HSPA12A: variants seen among roughly 807,000 people sequenced by gnomAD.
HSPA12A encodes heat shock 70 kDa protein 12A.
In HSPA12A, 28 loss-of-function variants were observed where a neutral mutation model predicts 69.2. That is an observed-to-expected ratio of 0.40 (90% CI 0.30 to 0.55). HSPA12A has a LOEUF of 0.55. Among genes scored for constraint, HSPA12A ranks in the 20% least tolerant of loss-of-function variants. The pLI is 0.38. For synonymous variants in HSPA12A, 345 were observed against 370.5 expected, an observed-to-expected ratio of 0.93 and a Z score of 0.79; for missense variants, 686 against 900.7, an observed-to-expected ratio of 0.76 and a Z score of 3.05.
chr10:116,849,602 C>G (rs1207302111), exon 1 of HSPA12A: 1 of 1,549,238 alleles, frequency 6.5e-7, no homozygotes, highest in East Asian at 2.4e-5. Context: ...GCTGTGGGAC[C>G]ACTAGGGAGC....
At chr10:116,722,961 G>A (rs1382090811) in intron 1 of HSPA12A, among the ~76,000 whole-genome samples, 1 of 151,994 alleles carries the variant, frequency 6.6e-6, no homozygotes, top group African/African-American at 2.4e-5. Flanking sequence ...AATGAACAAG[G>A]TAGGGAGTAA....
At chr10:116,842,740 T>A (rs1160093076) in intron 1 of HSPA12A, among the ~76,000 whole-genome samples, 1 of 152,134 alleles carries the variant, frequency 6.6e-6, no homozygotes, top group African/African-American at 2.4e-5. Context: ...GTAGCTGGGA[T>A]TACAGGCACC....
intron 2 of HSPA12A, among the ~76,000 whole-genome samples, chr10:116,705,972 T>G (rs1470266322): frequency 2.8e-5 from 4 of 145,430 alleles, no homozygotes; most frequent in Non-Finnish European, 6.0e-5. Context: ...CTCGGCTCAC[T>G]GCAAGCTCTG....
chr10:116,798,457 A>T (rs555163147), intron 2 of HSPA12A, among the ~76,000 whole-genome samples: 1 of 152,204 alleles, frequency 6.6e-6, no homozygotes, highest in Admixed American at 6.5e-5. Flanking sequence ...TTGGGATCAC[A>T]GCCCACATTA....
chr10:116,733,526 G>A (rs532060444), intron 1 of HSPA12A, among the ~76,000 whole-genome samples: 6 of 152,182 alleles, frequency 3.9e-5, no homozygotes, highest in Non-Finnish European at 7.3e-5. Flanking sequence ...GGGCACTGGC[G>A]TAATCCATTT....
chr10:116,742,081 G>A (rs1037346187), intron 1 of HSPA12A, among the ~76,000 whole-genome samples: 1 of 151,862 alleles, frequency 6.6e-6, no homozygotes, highest in African/African-American at 2.4e-5. Flanking sequence ...CATCGCGCGG[G>A]GGCTGCACAC....
chr10:116,849,625 A>G, exon 1 of HSPA12A: 1 of 1,550,234 alleles, frequency 6.5e-7, no homozygotes, highest in Non-Finnish European at 8.7e-7. Flanking sequence ...CAGAAGCTGA[A>G]GCAGCAGGCG....
At chr10:116,702,612 C>T (rs1331010339) in intron 3 of HSPA12A, among the ~76,000 whole-genome samples, 9 of 152,162 alleles carry the variant, frequency 5.9e-5, no homozygotes, top group African/African-American at 1.9e-4. Context: ...GGGATGGCCC[C>T]GATGCCAGGC....
Position 116,675,086 on chromosome 10 carries a change from C to G in HSPA12A, c.1723G>C (p.Asp575His), listed in dbSNP as rs368656432. The G allele has an allele frequency of 6.2e-7, 1 of 1,613,996 alleles. No homozygotes were observed. Among genetic ancestry groups the G allele is most frequent in the South Asian group, 1.1e-5 (1 of 91,044 alleles). ...AGCTCACCCAGAGCCACAGACTGGT[C>G]GGCAGAGATGAACTTGTCAAAGACG... ...TDVFDKFISA[D>H]QSVALGELVK... The change falls in exon 12 of 12, where the codon GAC becomes CAC. Residue 575 changes from aspartate to histidine, a missense_variant. Transcript: ENST00000369209. The surrounding 1 kb of genome is among the most constrained non-coding windows in gnomAD (Gnocchi z 5.2).
chr10:116,816,909 C>G (rs1428677433), intron 2 of HSPA12A, among the ~76,000 whole-genome samples: 1 of 152,108 alleles, frequency 6.6e-6, no homozygotes, highest in African/African-American at 2.4e-5. Flanking sequence ...GAAATCAATC[C>G]TTGAGCTGTG....
At chr10:116,744,936 C>A (rs1303859104), upstream of HSPA12A, among the ~76,000 whole-genome samples, 1 of 152,236 alleles carries the variant, frequency 6.6e-6, no homozygotes, top group Non-Finnish European at 1.5e-5. Flanking sequence ...GCATGTCATT[C>A]TCCTGCTACC....
chr10:116,816,704 G>A (rs1450350417), intron 2 of HSPA12A, among the ~76,000 whole-genome samples: 1 of 152,180 alleles, frequency 6.6e-6, no homozygotes, highest in Non-Finnish European at 1.5e-5. Flanking sequence ...TTTTTTAAAT[G>A]GGGTTTTTCC....
intron 2 of HSPA12A, among the ~76,000 whole-genome samples, chr10:116,795,249 A>G (rs1681731): frequency 0.81 from 123,939 of 152,188 alleles, 52,763 homozygotes; most frequent in Non-Finnish European, 0.93. Flanking sequence ...CTGTCTTCCA[A>G]TAGTACAGAG....
intron 2 of HSPA12A, among the ~76,000 whole-genome samples, chr10:116,755,671 G>GGGGGATT (rs1843822702): frequency 6.6e-6 from 1 of 150,650 alleles, no homozygotes; most frequent in Non-Finnish European, 1.5e-5. Flanking sequence ...CTTATTAAGC[G>GGGGGATT]GGGGATTGGG....
intron 2 of HSPA12A, among the ~76,000 whole-genome samples, chr10:116,817,926 G>A (rs1433097075): frequency 1.3e-5 from 2 of 152,146 alleles, no homozygotes; most frequent in African/African-American, 4.8e-5. Flanking sequence ...TGGATCATTC[G>A]CCACCTCCAA....
At chr10:116,741,988 C>A (rs1851523106) in intron 1 of HSPA12A, among the ~76,000 whole-genome samples, 1 of 152,184 alleles carries the variant, frequency 6.6e-6, no homozygotes, top group Non-Finnish European at 1.5e-5. Context: ...TCCTGCCTCG[C>A]TGAGTCACGA....
intron 2 of HSPA12A, among the ~76,000 whole-genome samples, chr10:116,824,232 A>G (rs969039292): frequency 6.6e-6 from 1 of 152,238 alleles, no homozygotes; most frequent in Non-Finnish European, 1.5e-5. Flanking sequence ...AAGGATGACT[A>G]TAATCAAAAA....
At position 116,769,897 on chromosome 10, in the gene HSPA12A, C is replaced by T. The variant is rs536391338; in HGVS notation, c.92-62612G>A. 1.1e-3 allele frequency among the ~76,000 whole-genome samples: 161 copies of T among 152,274 alleles called. 2 individuals are homozygous for T. The highest frequency in any genetic ancestry group is 2.1e-3 in the Non-Finnish European group (142 of 68,028). ...AAGACATTTGCTCAAGTGCAGGCCT[C>T]GGCTCCTTGTGCTTAAAATTCTTTC... On this transcript the variant is annotated intron_variant, in intron 2 of 12. Coordinates refer to the HSPA12A transcript ENST00000635765.
intron 6 of HSPA12A, among the ~76,000 whole-genome samples, chr10:116,684,469 A>T (rs1849518180): frequency 6.6e-6 from 1 of 152,064 alleles, no homozygotes; most frequent in Non-Finnish European, 1.5e-5. Context: ...TTGGAAACAG[A>T]CCATGGCTGG....
Sources: allele counts gnomAD v4.1 joint callset (sites outside exome capture counted in the v4.1 genomes callset), GRCh38; gene constraint gnomAD v4.1.1; non-coding constraint Gnocchi (gnomAD v3.1); transcripts MANE v1.5; gene names NCBI Gene and HGNC (gene_info 2026-07-23, HGNC 2026-07-21).